The following IGFBP7 variants were observed in gnomAD, a reference collection of about 807,000 sequenced individuals.
IGFBP7 encodes insulin like growth factor binding protein 7.
In IGFBP7, 31 loss-of-function variants were observed where a neutral mutation model predicts 29.4. The ratio of observed to expected loss-of-function variants is 1.05; its 90% CI spans 0.79 to 1.42. IGFBP7 has a LOEUF of 1.42. IGFBP7 is among the 40% of genes most tolerant of loss of function. IGFBP7 has a pLI of 0.00. For synonymous variants in IGFBP7, 172 were observed against 174.9 expected (o/e 0.98, Z 0.13); for missense variants, 393 against 395.5 (o/e 0.99, Z 0.05).
At chr4:57,094,608 GT>G (rs1333673962) in intron 1 of IGFBP7, among the ~76,000 whole-genome samples, 2 of 152,196 alleles carry the variant, frequency 1.3e-5, no homozygotes, top group Non-Finnish European at 1.5e-5. Context: ...TAGTTTACGT[GT>G]TTGTTAAACT....
chr4:57,074,268 C>T lies in IGFBP7; in HGVS notation c.476-33335G>A, dbSNP rs11737134. Among the ~76,000 whole-genome samples the T allele has an allele frequency of 3.9e-3, 599 of 152,308 alleles. 1 individual carries two copies. The highest frequency in any genetic ancestry group is 9.0e-3 in the Admixed American group (138 of 15,306). On this transcript the variant is annotated intron_variant, in intron 1 of 4. Coordinates refer to ENST00000295666, the MANE Select transcript of IGFBP7 (RefSeq NM_001553.3). ...TGGAGACGGGGTCTTGCCATGTTGG[C>T]CAGTCTTGTCTTGAACTCCTGGCCT...
At chr4:57,044,056 G>C (rs1724297888) in intron 1 of IGFBP7, among the ~76,000 whole-genome samples, 2 of 152,334 alleles carry the variant, frequency 1.3e-5, no homozygotes, top group Admixed American at 6.5e-5. Flanking sequence ...GAGCATACCA[G>C]TTTTCAGAGA....
intron 2 of IGFBP7, among the ~76,000 whole-genome samples, chr4:57,034,223 A>C (rs1388244675): frequency 1.3e-5 from 2 of 152,182 alleles, no homozygotes; most frequent in Non-Finnish European, 2.9e-5. Flanking sequence ...TAAAAGGCAA[A>C]ATGTTTTATT....
chr4:57,036,056 G>A (rs1475094896), intron 2 of IGFBP7, among the ~76,000 whole-genome samples: 2 of 152,082 alleles, frequency 1.3e-5, no homozygotes, highest in Non-Finnish European at 2.9e-5. Context: ...GGAAACAACA[G>A]AAAAAATACA....
chr4:57,045,567 C>T (rs150263610), intron 1 of IGFBP7, among the ~76,000 whole-genome samples: 7 of 152,214 alleles, frequency 4.6e-5, no homozygotes, highest in East Asian at 1.9e-4. Context: ...TTGGCCTCCA[C>T]GTGACTTCCT....
intron 1 of IGFBP7, among the ~76,000 whole-genome samples, chr4:57,041,433 A>G (rs1228145082): frequency 6.6e-6 from 1 of 152,266 alleles, no homozygotes; most frequent in African/African-American, 2.4e-5. Context: ...CAAGAAGCTT[A>G]GGATCTAAGG....
intron 2 of IGFBP7, among the ~76,000 whole-genome samples, chr4:57,036,261 A>T (rs976305389): frequency 3.3e-5 from 5 of 152,200 alleles, no homozygotes; most frequent in African/African-American, 7.2e-5. Flanking sequence ...GTGTGGAAAG[A>T]TACAAACCAG....
At chr4:57,086,887 C>T (rs545803317) in intron 1 of IGFBP7, among the ~76,000 whole-genome samples, 2 of 152,278 alleles carry the variant, frequency 1.3e-5, no homozygotes, top group African/African-American at 4.8e-5. Context: ...GCACATACCA[C>T]CACGCTCAGC....
intron 2 of IGFBP7, among the ~76,000 whole-genome samples, chr4:57,039,643 C>CTT (rs10716496): frequency 0.076 from 9,792 of 128,484 alleles, 655 homozygotes; most frequent in East Asian, 0.19. Flanking sequence ...AATTCACACT[C>CTT]TTTTTTTTTT....
chr4:57,099,182 C>G (rs765791866), intron 1 of IGFBP7, among the ~76,000 whole-genome samples: 4 of 152,168 alleles, frequency 2.6e-5, no homozygotes, highest in Non-Finnish European at 5.9e-5. Flanking sequence ...TCTGTAGAAG[C>G]TGGAGACTTC....
chr4:57,031,374 A>G, intron 4 of IGFBP7, 38 bp from the exon 5 acceptor site: 1 of 1,529,306 alleles, frequency 6.5e-7, no homozygotes, highest in Non-Finnish European at 9.0e-7. Context: ...TTAGTTACAT[A>G]TGGGGATGTG....
intron 1 of IGFBP7, among the ~76,000 whole-genome samples, chr4:57,098,117 T>C (rs1725805168): frequency 6.6e-6 from 1 of 152,224 alleles, no homozygotes. Context: ...TGGACTGAGC[T>C]GGCTGCCTTT....
intron 1 of IGFBP7, among the ~76,000 whole-genome samples, chr4:57,052,468 C>A (rs1422880863): frequency 2.6e-5 from 4 of 152,204 alleles, no homozygotes; most frequent in African/African-American, 9.6e-5. Flanking sequence ...CACTGTCTAG[C>A]TGACATTTTA....
rs530627451 is a variant in IGFBP7, at chr4:57,030,783, C to G, written c.*534G>C. 1.5e-6 allele frequency: 1 copy of G among 660,964 alleles called. No homozygotes were observed. Among genetic ancestry groups the G allele is most frequent in the South Asian group, 1.8e-5 (1 of 55,226 alleles). The allele number at this position is 660,964 out of a possible 1,614,324, so 40.9% of individuals were successfully genotyped here. A position where few individuals can be genotyped will look rare whatever the true frequency, so the allele number is the denominator to read the frequency against. Reference sequence around the variant, plus strand: ...GCTGAGGTAGCAGAATGTGTGTTCTCAGCTCCACTCATTTATTCATTATCT... The same window carrying G: ...GCTGAGGTAGCAGAATGTGTGTTCTGAGCTCCACTCATTTATTCATTATCT... On this transcript the variant is annotated 3_prime_UTR_variant, in exon 5 of 5. Transcript: ENST00000295666.
chr4:57,089,922 A>G (rs1192399873), intron 1 of IGFBP7, among the ~76,000 whole-genome samples: 1 of 152,150 alleles, frequency 6.6e-6, no homozygotes, highest in Non-Finnish European at 1.5e-5. Context: ...CCTTCTTGCA[A>G]TTATTAAGCA....
chr4:57,052,006 G>A (rs1347340138), intron 1 of IGFBP7, among the ~76,000 whole-genome samples: 1 of 152,134 alleles, frequency 6.6e-6, no homozygotes, highest in East Asian at 1.9e-4. Context: ...GTGTGGTGTA[G>A]GGCACAGCAG....
intron 1 of IGFBP7, among the ~76,000 whole-genome samples, chr4:57,061,776 A>G (rs1724806494): frequency 6.6e-6 from 1 of 152,166 alleles, no homozygotes; most frequent in African/African-American, 2.4e-5. Flanking sequence ...GGACTCCTAT[A>G]CTTTACATTA....
At chr4:57,073,040 A>C in intron 1 of IGFBP7, 11 of 1,276,484 alleles carry the variant, frequency 8.6e-6, no homozygotes, top group Non-Finnish European at 1.2e-5. Flanking sequence ...CTCGTTGAAC[A>C]GGCATGCTGC....
At chr4:57,067,412 G>A (rs80305253) in intron 1 of IGFBP7, among the ~76,000 whole-genome samples, 4,179 of 152,212 alleles carry the variant, frequency 0.027, 197 homozygotes, top group African/African-American at 0.096. Flanking sequence ...AGATGTACCT[G>A]TAGGACATTA....
Sources: gnomAD v4.1 joint callset for allele counts (sites outside exome capture counted in the v4.1 genomes callset) on GRCh38, gnomAD v4.1.1 for gene constraint, MANE v1.5 for transcripts, NCBI Gene and HGNC (gene_info 2026-07-23, HGNC 2026-07-21) for gene names.